Variants in MAPK10 observed in about 807,000 individuals in gnomAD.
MAPK10 encodes JNK3 alpha protein kinase.
In MAPK10, 25 loss-of-function variants were observed where a neutral mutation model predicts 59.3. The ratio of observed to expected loss-of-function variants is 0.42; its 90% CI spans 0.31 to 0.59. MAPK10 has a LOEUF of 0.59. Ranked by LOEUF, MAPK10 falls within the 20% of genes least tolerant of loss-of-function variation. The pLI is 0.15. For missense variants in MAPK10, 351 were observed against 568.9 expected (o/e 0.62, Z 3.90); for synonymous variants, 190 against 200.5 (o/e 0.95, Z 0.44).
intron 2 of MAPK10, among the ~76,000 whole-genome samples, chr4:86,219,110 A>C (rs1292844864): frequency 6.6e-6 from 1 of 152,136 alleles, no homozygotes; most frequent in Non-Finnish European, 1.5e-5. Flanking sequence ...TGCAAACCTA[A>C]ACCCTTTCTC....
intron 3 of MAPK10, chr4:86,192,637 C>T (rs898272435): frequency 6.6e-6 from 1 of 151,822 alleles, no homozygotes; most frequent in African/African-American, 2.4e-5. Flanking sequence ...CATTTATGTT[C>T]TTCTCTAAAC....
intron 1 of MAPK10, among the ~76,000 whole-genome samples, chr4:86,537,740 T>C (rs1210381863): frequency 6.6e-6 from 1 of 152,228 alleles, no homozygotes; most frequent in Non-Finnish European, 1.5e-5. Flanking sequence ...TTCTAGGTTA[T>C]ATGTGTGGAA....
intron 1 of MAPK10, among the ~76,000 whole-genome samples, chr4:86,479,848 T>C (rs1184026515): frequency 5.9e-5 from 9 of 152,252 alleles, no homozygotes; most frequent in East Asian, 5.8e-4. Context: ...GACAAATGTT[T>C]CTTCTAACAA....
intron 1 of MAPK10, among the ~76,000 whole-genome samples, chr4:86,459,237 G>A (rs532274027): frequency 6.6e-6 from 1 of 152,286 alleles, no homozygotes; most frequent in South Asian, 2.1e-4. Flanking sequence ...TGCAAGAATG[G>A]CTATAATCAA....
chr4:86,579,672 T>C (rs1294676990), intron 1 of MAPK10, among the ~76,000 whole-genome samples: 1 of 152,194 alleles, frequency 6.6e-6, no homozygotes, highest in East Asian at 1.9e-4. Flanking sequence ...ATTTAACAAC[T>C]GAGAAAATTT....
At chr4:86,427,965 A>G (rs1747520987) in intron 1 of MAPK10, among the ~76,000 whole-genome samples, 1 of 152,192 alleles carries the variant, frequency 6.6e-6, no homozygotes, top group Non-Finnish European at 1.5e-5. Flanking sequence ...AGACAAAATT[A>G]CAATAAAAAT....
chr4:86,266,263 T>G (rs2094230970), intron 2 of MAPK10, among the ~76,000 whole-genome samples: 1 of 152,006 alleles, frequency 6.6e-6, no homozygotes, highest in Non-Finnish European at 1.5e-5. Flanking sequence ...CACAGTAAGA[T>G]TTGGTTTTTC....
intron 3 of MAPK10, among the ~76,000 whole-genome samples, chr4:86,163,975 T>C (rs935614225): frequency 6.6e-6 from 1 of 152,152 alleles, no homozygotes; most frequent in Non-Finnish European, 1.5e-5. Flanking sequence ...AAAGCTTTGA[T>C]TGCACTTTAA....
intron 9 of MAPK10, chr4:86,091,492 C>T (rs2053138606): frequency 6.7e-6 from 1 of 148,496 alleles, no homozygotes; most frequent in African/African-American, 2.5e-5. Flanking sequence ...AACCATTCCT[C>T]TCCTAAAACT....
intron 4 of MAPK10, among the ~76,000 whole-genome samples, chr4:86,114,794 C>A (rs139247506): frequency 8.5e-5 from 13 of 152,376 alleles, no homozygotes; most frequent in African/African-American, 3.1e-4. Context: ...AACTGTGAGA[C>A]TGTGGCCGCT....
chr4:86,589,895 A>G (rs1481119780), intron 1 of MAPK10, among the ~76,000 whole-genome samples: 7 of 151,480 alleles, frequency 4.6e-5, no homozygotes, highest in Non-Finnish European at 1.5e-5. Context: ...GAGGCAGGAG[A>G]ATGGCGTGAA....
intron 2 of MAPK10, among the ~76,000 whole-genome samples, chr4:86,210,461 A>T (rs940968891): frequency 1.1e-4 from 17 of 152,016 alleles, no homozygotes; most frequent in African/African-American, 3.6e-4. Context: ...TAATAATTTA[A>T]TGTTCAATAA....
intron 2 of MAPK10, among the ~76,000 whole-genome samples, chr4:86,325,534 G>A (rs1312085894): frequency 6.6e-6 from 1 of 152,090 alleles, no homozygotes; most frequent in East Asian, 1.9e-4. Flanking sequence ...ACTAAATACA[G>A]CCCTATTTAT....
At chr4:86,521,259 A>C (rs999792652) in intron 1 of MAPK10, among the ~76,000 whole-genome samples, 7 of 152,126 alleles carry the variant, frequency 4.6e-5, no homozygotes, top group African/African-American at 1.7e-4. Context: ...TGGTGCTTTC[A>C]AGACAGCATC....
chr4:86,153,149 A>G (rs1003990469), intron 4 of MAPK10, among the ~76,000 whole-genome samples: 2 of 152,236 alleles, frequency 1.3e-5, no homozygotes, highest in Non-Finnish European at 2.9e-5. Flanking sequence ...TAAAAAAAAT[A>G]AGAACCAGCA....
At chr4:86,207,284 C>T (rs1377310295) in intron 2 of MAPK10, among the ~76,000 whole-genome samples, 1 of 151,638 alleles carries the variant, frequency 6.6e-6, no homozygotes, top group African/African-American at 2.4e-5. Flanking sequence ...GTTTTTCCAG[C>T]ACCATTTATT....
intron 2 of MAPK10, among the ~76,000 whole-genome samples, chr4:86,295,128 A>G (rs1481834285): frequency 6.6e-6 from 1 of 152,232 alleles, no homozygotes; most frequent in Non-Finnish European, 1.5e-5. Context: ...AAGCGGTTTA[A>G]TTACGTGTTA....
intron 4 of MAPK10, among the ~76,000 whole-genome samples, chr4:86,143,591 C>T (rs902104021): frequency 1.3e-5 from 2 of 152,160 alleles, no homozygotes; most frequent in Non-Finnish European, 2.9e-5. Context: ...TAGATACCCA[C>T]AACCAGATTC....
intron 1 of MAPK10, among the ~76,000 whole-genome samples, chr4:86,556,222 T>G (rs1164801024): frequency 6.6e-6 from 1 of 152,182 alleles, no homozygotes; most frequent in African/African-American, 2.4e-5. Context: ...TATCCATAGG[T>G]TGATGAAATT....
Sources: allele counts gnomAD v4.1 joint callset (sites outside exome capture counted in the v4.1 genomes callset), GRCh38; gene constraint gnomAD v4.1.1; transcripts MANE v1.5; gene names NCBI Gene and HGNC (gene_info 2026-07-23, HGNC 2026-07-21).